PDZRN3: variants seen among roughly 807,000 people sequenced by gnomAD.
PDZRN3 encodes E3 ubiquitin-protein ligase PDZRN3.
In PDZRN3, 38 loss-of-function variants were observed where a neutral mutation model predicts 85.7. The observed-to-expected ratio is 0.44, with a 90% CI of 0.34 to 0.58. The LOEUF (loss-of-function observed/expected upper bound fraction) is 0.58. Among genes scored for constraint, PDZRN3 ranks in the 20% least tolerant of loss-of-function variants. The pLI is 0.01. For synonymous variants in PDZRN3, 759 were observed against 638.0 expected (o/e 1.19, Z -2.86); for missense variants, 1,629 against 1,506.4 (o/e 1.08, Z -1.35).
At chr3:73,565,786 AACACACACACACACAC>A (rs61564723) in intron 3 of PDZRN3, among the ~76,000 whole-genome samples, 6 of 37,912 alleles carry the variant, frequency 1.6e-4, no homozygotes, top group Admixed American at 1.1e-3. Context: ...AAAAATACAA[AACACACACACACACAC>A]ACACACACAC....
At chr3:73,494,493 T>G (rs1021791572) in intron 3 of PDZRN3, among the ~76,000 whole-genome samples, 4 of 152,252 alleles carry the variant, frequency 2.6e-5, no homozygotes, top group Non-Finnish European at 5.9e-5. Flanking sequence ...GAAAGTCATT[T>G]GCTGTCATCC....
At chr3:73,416,876 GTTTTTTTTT>G (rs146381615) in intron 3 of PDZRN3, among the ~76,000 whole-genome samples, 3 of 110,402 alleles carry the variant, frequency 2.7e-5, no homozygotes, top group Non-Finnish European at 5.5e-5. Flanking sequence ...TTTTTTTTTG[GTTTTTTTTT>G]TTTTTTTTTT....
intron 3 of PDZRN3, 125 bp from the exon 4 acceptor site, chr3:73,404,520 A>G: frequency 9.9e-7 from 1 of 1,012,684 alleles, no homozygotes. Flanking sequence ...GGTGTCAGAG[A>G]ACTTCAGTTC....
Position 73,519,625 on chromosome 3 carries a change from T to C in PDZRN3, c.918+82729A>G, listed in dbSNP as rs1704317538. On this transcript the variant is annotated intron_variant, in intron 3 of 9. Transcript: ENST00000263666. ...TTGCAAAATTGGGTTAGGCAGCCCA[T>C]GTCCAGGCATGTCCTGGAAGCCCTA... Among the ~76,000 whole-genome samples the C allele has an allele frequency of 2.0e-5, 3 of 152,214 alleles. No individual in the cohort carries two copies. In the South Asian group the frequency reaches 6.2e-4, roughly 31 times the overall value.
At chr3:73,436,873 C>T (rs1702540512) in intron 3 of PDZRN3, among the ~76,000 whole-genome samples, 1 of 151,850 alleles carries the variant, frequency 6.6e-6, no homozygotes, top group Non-Finnish European at 1.5e-5. Context: ...TGGTGAAACC[C>T]TGTCTCTACT....
At chr3:73,404,664 A>G (rs1201281792) in intron 3 of PDZRN3, 3 of 383,110 alleles carry the variant, frequency 7.8e-6, no homozygotes, top group East Asian at 4.6e-5. Context: ...ACACAATTTC[A>G]TCACTTGCTA....
At chr3:73,444,150 T>C (rs907839564) in intron 3 of PDZRN3, among the ~76,000 whole-genome samples, 1 of 152,202 alleles carries the variant, frequency 6.6e-6, no homozygotes, top group Non-Finnish European at 1.5e-5. Flanking sequence ...CAATCCATGA[T>C]GCTTTTATTG....
At chr3:73,386,860 C>T (rs528867079) in intron 8 of PDZRN3, among the ~76,000 whole-genome samples, 28 of 69,788 alleles carry the variant, frequency 4.0e-4, no homozygotes, top group Admixed American at 3.2e-3. Context: ...GTCTGTCTCT[C>T]GGCTTTTTCA....
At chr3:73,443,686 G>A (rs549617867) in intron 3 of PDZRN3, among the ~76,000 whole-genome samples, 4 of 151,528 alleles carry the variant, frequency 2.6e-5, no homozygotes, top group East Asian at 3.9e-4. Flanking sequence ...GATGGGGTGG[G>A]TCTCACTTTG....
At chr3:73,441,034 G>C (rs1702625601) in intron 3 of PDZRN3, among the ~76,000 whole-genome samples, 1 of 152,168 alleles carries the variant, frequency 6.6e-6, no homozygotes, top group Non-Finnish European at 1.5e-5. Context: ...TTTCTAGAAA[G>C]GACAGGACAG....
chr3:73,544,457 CAAAT>C (rs1220520049), intron 3 of PDZRN3, among the ~76,000 whole-genome samples: 2 of 151,728 alleles, frequency 1.3e-5, no homozygotes, highest in Admixed American at 6.6e-5. Flanking sequence ...GTATAATTGA[CAAAT>C]AAAAATAATT....
chr3:73,511,569 A>G (rs1483595128), intron 3 of PDZRN3, among the ~76,000 whole-genome samples: 1 of 152,178 alleles, frequency 6.6e-6, no homozygotes, highest in Non-Finnish European at 1.5e-5. Context: ...GCCTCCCCCT[A>G]CAATCCCAAC....
chr3:73,399,867 C>A (rs532569761), intron 5 of PDZRN3, among the ~76,000 whole-genome samples: 1 of 152,280 alleles, frequency 6.6e-6, no homozygotes, highest in Admixed American at 6.5e-5. Context: ...TCTGGCTAAC[C>A]ATCAGTGAAG....
rs141648477 is a variant in PDZRN3 at position 73,576,408 on chromosome 3, C to G, written c.918+25946G>C. 5.5e-4 allele frequency among the ~76,000 whole-genome samples: 84 copies of G among 152,240 alleles called. 1 individual carries two copies. In the East Asian group the frequency reaches 0.016, roughly 28 times the overall value. ...TGTGTCCCATAATCAATCTACGAGT[C>G]AAGACAACTGCTAGTGTTTCTAGGT... On this transcript the variant is annotated intron_variant, in intron 3 of 9. Transcript: ENST00000263666.
chr3:73,402,216 G>A (rs1701763332), intron 4 of PDZRN3, among the ~76,000 whole-genome samples: 1 of 152,186 alleles, frequency 6.6e-6, no homozygotes, highest in East Asian at 1.9e-4. Context: ...AGACCTAAGA[G>A]GAAATTACAG....
At chr3:73,592,476 A>C (rs1438875808) in intron 3 of PDZRN3, among the ~76,000 whole-genome samples, 1 of 152,134 alleles carries the variant, frequency 6.6e-6, no homozygotes, top group Non-Finnish European at 1.5e-5. Flanking sequence ...GAAAGAAGGA[A>C]GCAATGAAAG....
At chr3:73,576,741 C>T (rs1702129963) in intron 3 of PDZRN3, among the ~76,000 whole-genome samples, 2 of 152,138 alleles carry the variant, frequency 1.3e-5, no homozygotes, top group South Asian at 2.1e-4. Flanking sequence ...TGAATATCTA[C>T]CCTGTGTGCT....
chr3:73,569,305 C>T, intron 3 of PDZRN3: 1 of 1,237,128 alleles, frequency 8.1e-7, no homozygotes, highest in Non-Finnish European at 1.0e-6. Context: ...GAGATTCTCT[C>T]AAAACAGCCT....
chr3:73,472,425 C>T (rs373870829), intron 3 of PDZRN3, among the ~76,000 whole-genome samples: 250 of 152,324 alleles, frequency 1.6e-3, no homozygotes, highest in African/African-American at 4.7e-3. Flanking sequence ...TGACTAACCA[C>T]GGTGTTGCTG....
Sources: gnomAD v4.1 joint callset for allele counts (sites outside exome capture counted in the v4.1 genomes callset) on GRCh38, gnomAD v4.1.1 for gene constraint, MANE v1.5 for transcripts, NCBI Gene and HGNC (gene_info 2026-07-23, HGNC 2026-07-21) for gene names.